Variants in PADI3 observed in about 807,000 individuals in gnomAD.
The protein encoded by PADI3 is peptidyl arginine deiminase 3.
PADI3 carries 53 observed loss-of-function variants against 71.5 expected under a neutral mutation model. That is an observed-to-expected ratio of 0.74 (90% CI 0.59 to 0.93). PADI3 has a LOEUF of 0.93. PADI3 is among the 40% of genes least tolerant of loss of function. The probability of loss-of-function intolerance (pLI) is 0.00; values close to 1 mark genes in which losing one functional copy is unlikely to be tolerated. For synonymous variants in PADI3, 361 were observed against 347.5 expected (o/e 1.04, Z -0.43); for missense variants, 821 against 868.0 (o/e 0.95, Z 0.68).
At chr1:17,274,856 G>C (rs2073306468) in intron 11 of PADI3, 70 bp downstream of exon 11, 5 of 1,486,488 alleles carry the variant, frequency 3.4e-6, no homozygotes, top group Non-Finnish European at 3.7e-6. Context: ...TGATGGTGGA[G>C]CAGGGGCCAT....
intron 1 of PADI3, among the ~76,000 whole-genome samples, chr1:17,250,139 G>T (rs1021025796): frequency 6.6e-6 from 1 of 152,170 alleles, no homozygotes; most frequent in Non-Finnish European, 1.5e-5. Flanking sequence ...GGCTTTTGGG[G>T]AGAATCCAGG....
chr1:17,250,372 T>G (rs1230876509), intron 1 of PADI3, among the ~76,000 whole-genome samples: 4 of 152,326 alleles, frequency 2.6e-5, no homozygotes, highest in South Asian at 4.1e-4. Flanking sequence ...ACTCCCGAGT[T>G]GTGACAACCA....
At chr1:17,282,308 A>G (rs1391536466) in intron 15 of PADI3, among the ~76,000 whole-genome samples, 2 of 152,046 alleles carry the variant, frequency 1.3e-5, no homozygotes, top group African/African-American at 2.4e-5. Flanking sequence ...CTGTGTCTAC[A>G]TCATTCATTC....
intron 1 of PADI3, among the ~76,000 whole-genome samples, chr1:17,256,705 A>G (rs2073032377): frequency 6.6e-6 from 1 of 152,184 alleles, no homozygotes; most frequent in African/African-American, 2.4e-5. Context: ...CTGGAGGCCC[A>G]AGGAACAGCT....
Position 17,283,088 on chromosome 1 carries a change from C to G in PADI3, c.*9C>G, listed in dbSNP as rs1284386145. 2 of 1,607,300 alleles carry G rather than the reference C, an allele frequency of 1.2e-6. No homozygotes were observed. The highest frequency in any genetic ancestry group is 3.3e-5 in the Admixed American group (2 of 59,946). On this transcript the variant is annotated 3_prime_UTR_variant, in exon 16 of 16. Coordinates refer to ENST00000375460, the MANE Select transcript of PADI3 (RefSeq NM_016233.2). ...GGAACATGGTGCCCTGAGACAGCTC[C>G]CACCCACCATCCTGTCCCCCTGGGG...
intron 2 of PADI3, among the ~76,000 whole-genome samples, chr1:17,261,529 C>A (rs990452349): frequency 6.6e-6 from 1 of 152,224 alleles, no homozygotes; most frequent in Non-Finnish European, 1.5e-5. Context: ...TAACCAGCCC[C>A]CACCCCACAA....
chr1:17,254,935 C>A (rs891104732), intron 1 of PADI3, among the ~76,000 whole-genome samples: 6 of 152,038 alleles, frequency 3.9e-5, no homozygotes, highest in African/African-American at 1.2e-4. Flanking sequence ...AGGCTGGTCT[C>A]GAACTCCTGA....
intron 3 of PADI3, among the ~76,000 whole-genome samples, chr1:17,263,025 C>T (rs558308013): frequency 4.6e-5 from 7 of 152,344 alleles, no homozygotes; most frequent in African/African-American, 1.7e-4. Context: ...AACGATTCTC[C>T]TACCTCAGCC....
chr1:17,260,688 T>C (rs1223354599), intron 2 of PADI3, among the ~76,000 whole-genome samples: 1 of 152,196 alleles, frequency 6.6e-6, no homozygotes, highest in Non-Finnish European at 1.5e-5. Flanking sequence ...CATGAGGCAC[T>C]TGGGGCAGGA....
At chr1:17,249,511 C>A (rs967148111) in intron 1 of PADI3, among the ~76,000 whole-genome samples, 1 of 152,160 alleles carries the variant, frequency 6.6e-6, no homozygotes, top group Non-Finnish European at 1.5e-5. Flanking sequence ...GAAGAGATGG[C>A]ACTTTTCTAT....
chr1:17,276,636 G>A lies in PADI3; in HGVS notation c.1425G>A (p.Leu475=), dbSNP rs753592494. The A allele has an allele frequency of 3.7e-6, 6 of 1,614,086 alleles. No homozygotes were observed. In the African/African-American group the frequency reaches 6.7e-5, roughly 18 times the overall value. ...CCGTGGGCCATGTGGATGAGTTTCT[G>A]AGCTTTGTCCCTGCCCCCGATGGGA... ...WLAVGHVDEF[L]SFVPAPDGKG... The change falls in exon 12 of 16, where the codon CTG becomes CTA. Residue 475 remains leucine, a synonymous_variant. Transcript: ENST00000375460.
intron 11 of PADI3, among the ~76,000 whole-genome samples, chr1:17,275,176 C>A (rs1371940709): frequency 2.6e-5 from 4 of 151,892 alleles, no homozygotes; most frequent in Non-Finnish European, 4.4e-5. Context: ...GTGGTTCATG[C>A]CGTAATCCCA....
At chr1:17,251,720 G>A (rs2072968462) in intron 1 of PADI3, among the ~76,000 whole-genome samples, 1 of 152,198 alleles carries the variant, frequency 6.6e-6, no homozygotes, top group African/African-American at 2.4e-5. Context: ...ATGAGATTGT[G>A]TGTGCAAAGC....
chr1:17,263,881 C>T (rs942427836), intron 3 of PADI3, among the ~76,000 whole-genome samples: 1 of 152,150 alleles, frequency 6.6e-6, no homozygotes, highest in African/African-American at 2.4e-5. Context: ...CCTAAATGAG[C>T]ATTGCCAAGG....
intron 1 of PADI3, among the ~76,000 whole-genome samples, chr1:17,257,115 C>G (rs540777078): frequency 6.6e-6 from 1 of 151,750 alleles, no homozygotes; most frequent in East Asian, 1.9e-4. Flanking sequence ...AGGGTGTTCC[C>G]GAGGGTATGA....
chr1:17,281,427 T>C (rs903639226), intron 15 of PADI3, among the ~76,000 whole-genome samples: 1 of 149,482 alleles, frequency 6.7e-6, no homozygotes, highest in Non-Finnish European at 1.5e-5. Flanking sequence ...CTCTGATGCT[T>C]GTAAATCTTT....
intron 7 of PADI3, among the ~76,000 whole-genome samples, chr1:17,270,648 T>C (rs747046907): frequency 3.3e-5 from 5 of 151,764 alleles, no homozygotes; most frequent in Non-Finnish European, 5.9e-5. Flanking sequence ...TAAGACCCTG[T>C]CTCCAAAAAA....
Position 17,262,116 on chromosome 1 carries a change from C to T in PADI3, c.274-17C>T, listed in dbSNP as rs375543510. On this transcript the variant is annotated splice_polypyrimidine_tract_variant and intron_variant, in intron 2 of 15. Transcript: ENST00000375460. ...CTTGGCTTCTGCTGGTATTACTCTG[C>T]GCCCAACTCTCCACAGGTTCAGATT... The T allele has an allele frequency of 4.1e-4, 660 of 1,611,676 alleles. 1 individual carries two copies. Among genetic ancestry groups the T allele is most frequent in the African/African-American group, 2.4e-3 (176 of 74,856 alleles).
chr1:17,266,844 C>A lies in PADI3; in HGVS notation c.526+8C>A. ...ACGTGCACTGCCTGCAAGGTGAGGC[C>A]GGGGCAGCCTGAGTCCCTGGGTGTC... On this transcript the variant is annotated splice_region_variant and intron_variant, in intron 5 of 15. Transcript: ENST00000375460. 1 of 1,604,922 alleles carries A rather than the reference C, an allele frequency of 6.2e-7. No individual in the cohort carries two copies. Among genetic ancestry groups the A allele is most frequent in the Non-Finnish European group, 8.5e-7 (1 of 1,171,758 alleles).
Sources: gnomAD v4.1 joint callset for allele counts (sites outside exome capture counted in the v4.1 genomes callset) on GRCh38, gnomAD v4.1.1 for gene constraint, MANE v1.5 for transcripts, NCBI Gene and HGNC (gene_info 2026-07-23, HGNC 2026-07-21) for gene names.